The following CSF1R variants were observed in gnomAD, a reference collection of about 807,000 sequenced individuals.
CSF1R encodes the protein colony stimulating factor 1 receptor.
A neutral mutation model predicts 110.0 loss-of-function variants in CSF1R; 40 were observed. The ratio of observed to expected loss-of-function variants is 0.36; its 90% CI spans 0.28 to 0.47. The LOEUF (loss-of-function observed/expected upper bound fraction) is 0.47, where lower values mean the gene tolerates loss of function less well. Ranked by LOEUF, CSF1R falls within the 20% of genes least tolerant of loss-of-function variation. The pLI is 0.99. For synonymous variants in CSF1R, 523 were observed against 503.4 expected (o/e 1.04, Z -0.52); for missense variants, 1,052 against 1,253.0 (o/e 0.84, Z 2.42).
intron 5 of CSF1R, among the ~76,000 whole-genome samples, chr5:150,074,926 G>T (rs774650337): frequency 9.9e-5 from 15 of 152,078 alleles, no homozygotes; most frequent in Non-Finnish European, 2.2e-4. Context: ...TGGAGGTTTT[G>T]CTCAAGCAAT....
Position 150,054,610 on chromosome 5 carries a change from C to T in CSF1R, c.2655-180G>A, listed in dbSNP as rs186722265. 31 of 571,038 alleles carry T rather than the reference C, an allele frequency of 5.4e-5. No homozygotes were observed. In the East Asian group the frequency reaches 6.1e-4, roughly 11 times the overall value. 35.4% of individuals were successfully genotyped at this position (571,038 alleles called of 1,614,324 possible). On this transcript the variant is annotated intron_variant, in intron 19 of 20. Coordinates refer to ENST00000675795, the MANE Select transcript of CSF1R (RefSeq NM_001288705.3). ...CATTTAATCCTCACAGTAACCCTTG[C>T]AGAAGGGTACTCTCATCACCCTCAT... is the stretch of plus-strand genomic sequence containing the variant.
intron 10 of CSF1R, among the ~76,000 whole-genome samples, chr5:150,066,736 G>C (rs1470380078): frequency 6.6e-6 from 1 of 152,070 alleles, no homozygotes; most frequent in Non-Finnish European, 1.5e-5. Context: ...CCCCAAGGGG[G>C]TGTGGGGAAG....
intron 19 of CSF1R, chr5:150,054,959 G>A (rs528834205): frequency 6.7e-5 from 26 of 387,008 alleles, no homozygotes; most frequent in Middle Eastern, 7.7e-4. Flanking sequence ...ACATCACTGC[G>A]CTCCAGCCCG....
chr5:150,072,451 G>A (rs1041887380), intron 6 of CSF1R, among the ~76,000 whole-genome samples: 3 of 152,056 alleles, frequency 2.0e-5, no homozygotes, highest in Non-Finnish European at 2.9e-5. Context: ...CCGAGATTGT[G>A]CCATTGCACT....
rs1176870585 is a variant in CSF1R, at chr5:150,061,864, G to A, written c.1627-15C>T. 2 of 1,614,038 alleles carry A rather than the reference G, an allele frequency of 1.2e-6. No homozygotes were observed. ...TACTTGGGCTTCTGCAGAAGAGGAA[G>A]GGAGCACGTGGCAGTCGGGGCTGGC... On this transcript the variant is annotated splice_polypyrimidine_tract_variant and intron_variant, in intron 10 of 20. Transcript: ENST00000675795.
At chr5:150,112,038 G>A (rs897457950) in intron 1 of CSF1R, among the ~76,000 whole-genome samples, 1 of 152,168 alleles carries the variant, frequency 6.6e-6, no homozygotes. Context: ...GTAGTCAATA[G>A]TAGCCAATCA....
At chr5:150,070,331 C>A in intron 7 of CSF1R, 29 bp from the exon 8 acceptor site, 1 of 1,609,046 alleles carries the variant, frequency 6.2e-7, no homozygotes, top group South Asian at 1.1e-5. Flanking sequence ...GGCCCCAAGT[C>A]ACACTTTCCC....
At chr5:150,095,824 T>A (rs528404421) in intron 1 of CSF1R, among the ~76,000 whole-genome samples, 7 of 138,810 alleles carry the variant, frequency 5.0e-5, no homozygotes, top group Non-Finnish European at 9.4e-5. Context: ...AAAGTGGACA[T>A]CAATACCAAC....
chr5:150,056,483 G>T, intron 16 of CSF1R, 142 bp from the exon 17 acceptor site: 1 of 984,294 alleles, frequency 1.0e-6, no homozygotes, highest in Non-Finnish European at 1.5e-6. Context: ...ACAAACCCTT[G>T]TCTATACCTT....
At chr5:150,096,258 C>G (rs899890788) in intron 1 of CSF1R, among the ~76,000 whole-genome samples, 1 of 152,102 alleles carries the variant, frequency 6.6e-6, no homozygotes, top group African/African-American at 2.4e-5. Context: ...AGCATGGTGG[C>G]AGGCACCTGT....
At chr5:150,056,853 G>A (rs778801441) in intron 16 of CSF1R, among the ~76,000 whole-genome samples, 24 of 152,058 alleles carry the variant, frequency 1.6e-4, no homozygotes, top group Admixed American at 3.3e-4. Flanking sequence ...ACTGACTCCC[G>A]AATCTGTTCT....
rs1325621111 is a variant in CSF1R, at chr5:150,105,380, ATATAT to A, written c.-181+7876_-181+7880del. 1.7e-4 allele frequency among the ~76,000 whole-genome samples: 15 copies of A among 85,858 alleles called. 1 individual carries two copies. Among genetic ancestry groups the A allele is most frequent in the Admixed American group, 7.0e-4 (5 of 7,194 alleles). 56.3% of individuals were successfully genotyped at this position (85,858 alleles called of 152,430 possible). On this transcript the variant is annotated intron_variant, in intron 1 of 21. Transcript: ENST00000286301. The stretch of plus-strand genomic sequence containing the variant: ...AAAAAAAAAATATATATATATATAT[ATATAT>A]TTTTTTTTTTTTAATAGAGGCGGGG...
At chr5:150,070,968 G>A (rs1045973528) in intron 6 of CSF1R, among the ~76,000 whole-genome samples, 4 of 152,234 alleles carry the variant, frequency 2.6e-5, no homozygotes, top group Admixed American at 6.5e-5. Flanking sequence ...GAGGCAGGAT[G>A]TAGGGCCCTG....
At chr5:150,088,568 C>A (rs979772883), upstream of CSF1R, among the ~76,000 whole-genome samples, 16 of 151,252 alleles carry the variant, frequency 1.1e-4, no homozygotes, top group African/African-American at 3.7e-4. Context: ...GGGTCTCACT[C>A]TGTCACTCAG....
At chr5:150,090,111 G>A (rs1182913839), upstream of CSF1R, among the ~76,000 whole-genome samples, 2 of 152,082 alleles carry the variant, frequency 1.3e-5, no homozygotes, top group Non-Finnish European at 2.9e-5. Flanking sequence ...CATGACCTTG[G>A]AATTGGAAAT....
At chr5:150,085,555 A>T (rs1473435488) in intron 1 of CSF1R, among the ~76,000 whole-genome samples, 1 of 152,042 alleles carries the variant, frequency 6.6e-6, no homozygotes, top group Non-Finnish European at 1.5e-5. Flanking sequence ...CCCAGATGGA[A>T]ATTCTGCAGA....
chr5:150,080,727 G>A (rs1366420129), intron 2 of CSF1R, 40 bp downstream of exon 2: 3 of 1,611,848 alleles, frequency 1.9e-6, no homozygotes, highest in Non-Finnish European at 2.5e-6. Flanking sequence ...AGTGGGGCCT[G>A]CCGGGTCAGG....
intron 6 of CSF1R, among the ~76,000 whole-genome samples, chr5:150,072,985 G>T (rs1758091502): frequency 6.6e-6 from 1 of 152,162 alleles, no homozygotes; most frequent in Non-Finnish European, 1.5e-5. Flanking sequence ...CCCCAAGAGA[G>T]GAAAATGAAT....
At chr5:150,091,593 C>T (rs1205855140) in intron 1 of CSF1R, among the ~76,000 whole-genome samples, 2 of 151,944 alleles carry the variant, frequency 1.3e-5, no homozygotes, top group Non-Finnish European at 2.9e-5. Flanking sequence ...GAGTGGTTAC[C>T]AGGGGATGTG....
Sources: allele counts gnomAD v4.1 joint callset (sites outside exome capture counted in the v4.1 genomes callset), GRCh38; gene constraint gnomAD v4.1.1; transcripts MANE v1.5; gene names NCBI Gene and HGNC (gene_info 2026-07-23, HGNC 2026-07-21).